The following DSC2 variants were observed in gnomAD, a reference collection of about 807,000 sequenced individuals.
The protein encoded by DSC2 is desmocollin-2.
In DSC2, 51 loss-of-function variants were observed where a neutral mutation model predicts 87.6. That is an observed-to-expected ratio of 0.58 (90% CI 0.46 to 0.74). The LOEUF (loss-of-function observed/expected upper bound fraction) is 0.74, where lower values mean the gene tolerates loss of function less well. Ranked by LOEUF, DSC2 falls within the 30% of genes least tolerant of loss-of-function variation. DSC2 has a pLI of 0.00. For synonymous variants in DSC2, 383 were observed against 393.2 expected (o/e 0.97, Z 0.31); for missense variants, 1,066 against 1,089.5 (o/e 0.98, Z 0.30).
intron 15 of DSC2, chr18:31,068,469 A>C: frequency 9.7e-7 from 1 of 1,028,584 alleles, no homozygotes; most frequent in Non-Finnish European, 1.5e-6. Flanking sequence ...CATAGTCACT[A>C]CTTTCCCTTT....
At position 31,084,696 on chromosome 18, in the gene DSC2, C is replaced by T. The variant is rs190229296; in HGVS notation, c.943-1636G>A. ...TTTTTTTTCCATAGAATGCTATTTT[C>T]ACATAGACATCTATGGCTATGCAGA... On this transcript the variant is annotated intron_variant, in intron 7 of 15. Coordinates refer to ENST00000280904, the MANE Select transcript of DSC2 (RefSeq NM_024422.6). Among the ~76,000 whole-genome samples, 356 of 149,146 alleles carry T rather than the reference C, an allele frequency of 2.4e-3. 3 individuals carry two copies. The highest frequency in any genetic ancestry group is 8.3e-3 in the African/African-American group (339 of 40,724).
chr18:31,086,639 G>T lies in DSC2; in HGVS notation c.879C>A (p.Thr293=), dbSNP rs1394417853. The change falls in exon 7 of 16, where the codon ACC becomes ACA. Residue 293 remains threonine, a synonymous_variant. Transcript: ENST00000280904. The part of the protein sequence containing the change: ...SIIGQVPPSP[T]LFSMHPTTGV... ...CTGTAGTTGGATGCATAGAAAATAG[G>T]GTGGGTGATGGTGGCACCTGCCCAA... 6.2e-7 allele frequency: 1 copy of T among 1,614,124 alleles called. No individual in the cohort carries two copies. Among genetic ancestry groups the T allele is most frequent in the Admixed American group, 1.7e-5 (1 of 60,012 alleles).
At chr18:31,084,024 T>C (rs1454168350) in intron 7 of DSC2, among the ~76,000 whole-genome samples, 1 of 152,168 alleles carries the variant, frequency 6.6e-6, no homozygotes, top group East Asian at 1.9e-4. Flanking sequence ...ATGGTGATGC[T>C]TACCTTTCCT....
rs9962842 is a variant in DSC2, at chr18:31,065,362, C to A, written c.*2653G>T. On this transcript the variant is annotated 3_prime_UTR_variant, in exon 16 of 16. Coordinates refer to ENST00000280904, the MANE Select transcript of DSC2 (RefSeq NM_024422.6). ...TAGAACAATAGCAGTGGCTAAGGTA[C>A]ATGATTGAGTGCTAACTCTATGCCA... is the stretch of plus-strand genomic sequence containing the variant. 3 of 152,268 alleles carry A rather than the reference C, an allele frequency of 2.0e-5. No individual in the cohort carries two copies. Among genetic ancestry groups the A allele is most frequent in the Non-Finnish European group, 4.4e-5 (3 of 68,084 alleles). 9.4% of individuals were successfully genotyped at this position (152,268 alleles called of 1,614,324 possible). A position where few individuals can be genotyped will look rare whatever the true frequency, so the allele number is the denominator to read the frequency against.
rs929232389 is a variant in DSC2, at chr18:31,059,683, G to A, written c.*8332C>T. 15 of 152,030 alleles carry A rather than the reference G, an allele frequency of 9.9e-5. No individual in the cohort carries two copies. The highest frequency in any genetic ancestry group is 3.4e-4 in the African/African-American group (14 of 41,384). 9.4% of individuals were successfully genotyped at this position (152,030 alleles called of 1,614,324 possible). On this transcript the variant is annotated 3_prime_UTR_variant, in exon 16 of 16. Transcript: ENST00000280904. Reference sequence around the variant, plus strand: ...ACAATGAATAAATATTTCATTTACCGAGGATTTATCACTCAATATCTTAGT... The same window carrying A: ...ACAATGAATAAATATTTCATTTACCAAGGATTTATCACTCAATATCTTAGT...
At position 31,102,042 on chromosome 18, in the gene DSC2, G is replaced by T; in HGVS notation, c.-71C>A. The stretch of plus-strand genomic sequence containing the variant: ...AGGAGGGCTCCGCGGGGCGAGGGCC[G>T]CGGCCGGAGCGCAGTCTGGGCCCGC... On this transcript the variant is annotated 5_prime_UTR_variant, in exon 1 of 16. Coordinates refer to ENST00000280904, the MANE Select transcript of DSC2 (RefSeq NM_024422.6). 3 of 1,294,152 alleles carry T rather than the reference G, an allele frequency of 2.3e-6. No individual in the cohort carries two copies. Among genetic ancestry groups the T allele is most frequent in the Non-Finnish European group, 2.0e-6 (2 of 997,514 alleles). 80.2% of individuals were successfully genotyped at this position (1,294,152 alleles called of 1,614,324 possible). A position where few individuals can be genotyped will look rare whatever the true frequency, so the allele number is the denominator to read the frequency against.
At chr18:31,077,289 T>C (rs1166626104) in intron 11 of DSC2, among the ~76,000 whole-genome samples, 1 of 152,256 alleles carries the variant, frequency 6.6e-6, no homozygotes, top group Non-Finnish European at 1.5e-5. Flanking sequence ...CAACTTCTCC[T>C]GTTCTCATGC....
In DSC2 at chr18:31,061,663, CTT is replaced by C. The variant is rs1006033778; in HGVS notation, c.*6350_*6351del. 1 of 152,092 alleles carries C rather than the reference CTT, an allele frequency of 6.6e-6. No individual in the cohort carries two copies. The highest frequency in any genetic ancestry group is 2.4e-5 in the African/African-American group (1 of 41,418). The allele number at this position is 152,092 out of a possible 1,614,324, so 9.4% of individuals were successfully genotyped here. ...GTTGCCTGTTTTTTAGCATTATGCT[CTT>C]TTGTTTTACCTTAAGACTCTATATT... On this transcript the variant is annotated 3_prime_UTR_variant, in exon 16 of 16. Transcript: ENST00000280904.
rs917897676 is a variant in DSC2, at chr18:31,063,961, A to G, written c.*4054T>C. On this transcript the variant is annotated 3_prime_UTR_variant, in exon 16 of 16. Coordinates refer to ENST00000280904, the MANE Select transcript of DSC2 (RefSeq NM_024422.6). The stretch of plus-strand genomic sequence containing the variant: ...ATATCTGCTCTTTGATGGCCCTTGA[A>G]AAAAGAGAAGAGGGAAGAAATTGGA... 8.5e-5 allele frequency: 13 copies of G among 152,244 alleles called. No individual in the cohort carries two copies. Among genetic ancestry groups the G allele is most frequent in the African/African-American group, 3.1e-4 (13 of 41,448 alleles). The allele number at this position is 152,244 out of a possible 1,614,324, so 9.4% of individuals were successfully genotyped here.
At chr18:31,084,603 T>C (rs1288674430) in intron 7 of DSC2, among the ~76,000 whole-genome samples, 1 of 151,568 alleles carries the variant, frequency 6.6e-6, no homozygotes, top group Non-Finnish European at 1.5e-5. Flanking sequence ...GAAGAATCTA[T>C]TCAAAGAAAA....
chr18:31,092,569 A>G (rs1438105697), intron 2 of DSC2, among the ~76,000 whole-genome samples: 1 of 152,208 alleles, frequency 6.6e-6, no homozygotes, highest in Non-Finnish European at 1.5e-5. Context: ...TCTTTAAACC[A>G]AAACCAAAAC....
At chr18:31,101,339 T>C in intron 1 of DSC2, 4 of 877,338 alleles carry the variant, frequency 4.6e-6, no homozygotes, top group African/African-American at 4.1e-5. Context: ...AGCAGTTCCC[T>C]TTTTCACCCA....
At position 31,065,027 on chromosome 18, in the gene DSC2, G is replaced by GC. The variant is rs1986580220; in HGVS notation, c.*2987dup. The GC allele has an allele frequency of 6.6e-6, 1 of 152,192 alleles. No individual in the cohort carries two copies. The highest frequency in any genetic ancestry group is 6.5e-5 in the Admixed American group (1 of 15,274). 9.4% of individuals were successfully genotyped at this position (152,192 alleles called of 1,614,324 possible). A position where few individuals can be genotyped will look rare whatever the true frequency, so the allele number is the denominator to read the frequency against. On this transcript the variant is annotated 3_prime_UTR_variant, in exon 16 of 16. Coordinates refer to ENST00000280904, the MANE Select transcript of DSC2 (RefSeq NM_024422.6). The stretch of plus-strand genomic sequence containing the variant: ...TTGCTGCTTTTCATTTGCTGAAGAA[G>GC]CACCAGCCATTTCTTCGGGAAACTC...
At position 31,068,332 on chromosome 18, in the gene DSC2, C is replaced by T. The variant is rs1986700818; in HGVS notation, c.2509-120G>A. The T allele has an allele frequency of 6.2e-7, 1 of 1,613,040 alleles. No homozygotes were observed. The highest frequency in any genetic ancestry group is 1.7e-5 in the Admixed American group (1 of 59,996). ...GTTTAATTTTTAATCAGAGTGTGTC[C>T]TCTAATGGATTCCTATACATAAAAA... On this transcript the variant is annotated intron_variant, in intron 15 of 15. Coordinates refer to ENST00000280904, the MANE Select transcript of DSC2 (RefSeq NM_024422.6).
chr18:31,089,069 G>A (rs1987497255), intron 5 of DSC2, among the ~76,000 whole-genome samples: 1 of 151,458 alleles, frequency 6.6e-6, no homozygotes, highest in African/African-American at 2.4e-5. Context: ...GGAGGCTAAG[G>A]TGGGAGGATC....
chr18:31,088,993 A>C (rs541077150), intron 5 of DSC2, among the ~76,000 whole-genome samples: 2 of 151,920 alleles, frequency 1.3e-5, no homozygotes, highest in South Asian at 4.2e-4. Flanking sequence ...GTGAAACCCC[A>C]TCTCTACTAA....
At chr18:31,082,164 T>G (rs1987240548) in intron 9 of DSC2, 74 bp downstream of exon 9, 7 of 1,416,584 alleles carry the variant, frequency 4.9e-6, no homozygotes, top group South Asian at 2.5e-5. Flanking sequence ...TCAGAATTCC[T>G]TTCTTTCCAT....
rs1454487943 is a variant in DSC2 at position 31,081,637 on chromosome 18, T to C, written c.1263+601A>G. ...ATAGACCCACTGTAAAACCATGTTC[T>C]GGTTAAAGATGCAGCAGAAATAAGT... On this transcript the variant is annotated intron_variant, in intron 9 of 15. Coordinates refer to ENST00000280904, the MANE Select transcript of DSC2 (RefSeq NM_024422.6). Among the ~76,000 whole-genome samples, 18 of 152,198 alleles carry C rather than the reference T, an allele frequency of 1.2e-4. No individual in the cohort carries two copies. In the East Asian group the frequency reaches 3.5e-3, roughly 29 times the overall value.
chr18:31,087,601 A>AT (rs1463500124), intron 6 of DSC2, 68 bp downstream of exon 6: 59 of 1,536,712 alleles, frequency 3.8e-5, no homozygotes, highest in Middle Eastern at 2.3e-4. Context: ...CTCAACGGAC[A>AT]TAGTGAAACT....
Sources: gnomAD v4.1 joint callset for allele counts (sites outside exome capture counted in the v4.1 genomes callset) on GRCh38, gnomAD v4.1.1 for gene constraint, MANE v1.5 for transcripts, NCBI Gene and HGNC (gene_info 2026-07-23, HGNC 2026-07-21) for gene names.